The following DST variants were observed in gnomAD, a reference collection of about 807,000 sequenced individuals.
DST encodes the protein bullous pemphigoid antigen.
DST carries 253 observed loss-of-function variants against 875.2 expected under a neutral mutation model. That is an observed-to-expected ratio of 0.29 (90% CI 0.26 to 0.32). The LOEUF (loss-of-function observed/expected upper bound fraction) is 0.32, where lower values mean the gene tolerates loss of function less well. DST is among the 10% of genes least tolerant of loss of function. The pLI is 1.00. For synonymous variants in DST, 3,124 were observed against 3,197.1 expected, an observed-to-expected ratio of 0.98 and a Z score of 0.77; for missense variants, 8,287 against 9,111.6, an observed-to-expected ratio of 0.91 and a Z score of 3.68.
chr6:56,601,385 C>T (rs1270644730), intron 44 of DST, 58 bp downstream of exon 44: 1 of 1,164,370 alleles, frequency 8.6e-7, no homozygotes, highest in Non-Finnish European at 1.2e-6. Flanking sequence ...CCTTGGGTAT[C>T]TACATTATGG....
chr6:56,640,275 T>C lies in DST; in HGVS notation c.2358A>G (p.Ser786=), dbSNP rs780496854. ...TCTGCATCAACTTCAAAGTTTGCAA[T>C]GAATTTGGCTCTACTCCTGAACTGA... ...PNFSSGVEPN[S]LQTLKLMQIR... is the part of the protein sequence containing the mutation. The change falls in exon 18 of 104, where the codon TCA becomes TCG. Residue 786 remains serine, a synonymous_variant. Coordinates refer to ENST00000680361, the MANE Select transcript of DST (RefSeq NM_001374736.1). 18 of 1,614,070 alleles carry C rather than the reference T, an allele frequency of 1.1e-5. No individual in the cohort carries two copies. Among genetic ancestry groups the C allele is most frequent in the African/African-American group, 1.3e-5 (1 of 74,936 alleles).
chr6:56,921,716 T>C (rs1392066110), intron 2 of DST, among the ~76,000 whole-genome samples: 2 of 152,216 alleles, frequency 1.3e-5, no homozygotes, highest in African/African-American at 4.8e-5. Context: ...TAAATACATA[T>C]ACATATTGAG....
At position 56,609,327 on chromosome 6, in the gene DST, T is replaced by C; in HGVS notation, c.5301A>G (p.Ala1767=). The change falls in exon 40 of 104, where the codon GCA becomes GCG. Residue 1767 remains alanine (A), a synonymous_variant. Transcript: ENST00000680361. ...KVEEKLDKVI[A]GTIDQTTGEV... ...CTCCAGTTGTCTGATCAATGGTGCCTGCAATCACTTTATCCAGCTGAAAGG... is the reference window on the plus strand; with the variant it reads ...CTCCAGTTGTCTGATCAATGGTGCCCGCAATCACTTTATCCAGCTGAAAGG... 6.2e-7 allele frequency: 1 copy of C among 1,606,458 alleles called. No individual in the cohort carries two copies. The highest frequency in any genetic ancestry group is 8.5e-7 in the Non-Finnish European group (1 of 1,175,952).
At chr6:56,628,744 G>A (rs566183824) in intron 32 of DST, among the ~76,000 whole-genome samples, 4 of 152,168 alleles carry the variant, frequency 2.6e-5, no homozygotes, top group Non-Finnish European at 5.9e-5. Context: ...GAAAGTGAAT[G>A]AGAAAGGACA....
chr6:56,871,533 G>T, intron 3 of DST: 1 of 1,292,296 alleles, frequency 7.7e-7, no homozygotes. Context: ...TCTGGTCATT[G>T]AGCATATCCA....
Position 56,552,323 on chromosome 6 carries a change from G to T in DST, c.16469C>A (p.Thr5490Lys), listed in dbSNP as rs1227432813. Residue 5490 changes from threonine to lysine, a missense_variant, in exon 61 of 104, where the codon ACA (threonine) becomes AAA (lysine). Thr to Lys is a moderately conservative substitution (Grantham distance 78). This residue lies in a region of DST where 777 missense variants were observed against 764.8 expected (regional missense o/e 1.02). Transcript: ENST00000680361. ...AQAREEQVEG[T>K]IKRLEEFYSK... is the part of the protein sequence containing the mutation. ...GTAAAATTCTTCAAGGCGCTTAATT[G>T]TCCCTTCAACCTGCTCTTCTCTGGC... is the stretch of plus-strand genomic sequence containing the variant. 6.2e-7 allele frequency: 1 copy of T among 1,613,928 alleles called. No individual in the cohort carries two copies. The highest frequency in any genetic ancestry group is 1.7e-5 in the Admixed American group (1 of 60,008).
intron 5 of DST, among the ~76,000 whole-genome samples, chr6:56,729,532 G>A (rs1361535077): frequency 1.3e-5 from 2 of 151,910 alleles, no homozygotes; most frequent in East Asian, 3.9e-4. Flanking sequence ...GGAGATTGCG[G>A]GGAGGCAGAG....
intron 2 of DST, among the ~76,000 whole-genome samples, chr6:56,939,867 C>T (rs1017455286): frequency 6.6e-6 from 1 of 151,400 alleles, no homozygotes; most frequent in Non-Finnish European, 1.5e-5. Flanking sequence ...TCTACTAAAA[C>T]TACAAAAAAT....
chr6:56,765,269 C>T (rs1364174632), intron 4 of DST, among the ~76,000 whole-genome samples: 2 of 152,186 alleles, frequency 1.3e-5, no homozygotes, highest in Admixed American at 1.3e-4. Context: ...AAAGCAAAGC[C>T]TTGACCTTCT....
intron 82 of DST, among the ~76,000 whole-genome samples, chr6:56,495,465 G>C (rs1247265512): frequency 6.6e-6 from 1 of 151,834 alleles, no homozygotes; most frequent in Non-Finnish European, 1.5e-5. Context: ...TTGCTTTCAA[G>C]TTCTTATATT....
At chr6:56,657,396 G>A (rs1214520414) in intron 10 of DST, among the ~76,000 whole-genome samples, 2 of 152,088 alleles carry the variant, frequency 1.3e-5, no homozygotes, top group East Asian at 1.9e-4. Flanking sequence ...GTAAAATAAT[G>A]AAGCCTGGAA....
At chr6:56,587,994 C>G (rs2098194990) in intron 49 of DST, among the ~76,000 whole-genome samples, 6 of 152,036 alleles carry the variant, frequency 3.9e-5, no homozygotes, top group Admixed American at 3.9e-4. Flanking sequence ...TAGGAAGCAA[C>G]TGCATCAACT....
intron 3 of DST, among the ~76,000 whole-genome samples, chr6:56,884,897 T>A (rs1270843580): frequency 1.3e-5 from 2 of 152,034 alleles, no homozygotes; most frequent in African/African-American, 4.8e-5. Flanking sequence ...CCAGGCTAAT[T>A]TTTTTTGTAT....
chr6:56,944,683 T>G (rs1818525243), intron 2 of DST, among the ~76,000 whole-genome samples: 1 of 152,196 alleles, frequency 6.6e-6, no homozygotes, highest in Non-Finnish European at 1.5e-5. Context: ...AAGAATGAAC[T>G]TTATGATCTT....
rs771129327 is a variant in DST, at chr6:56,561,384, T to C, written c.14234A>G (p.Lys4745Arg). Residue 4745 changes from lysine to arginine, a missense_variant, in exon 57 of 104, where the codon AAA (lysine) becomes AGA (arginine). Lys to Arg is a conservative substitution (Grantham distance 26). Coordinates refer to ENST00000680361, the MANE Select transcript of DST (RefSeq NM_001374736.1). ...AMMQWLQKMN[K>R]TATKWQQTPA... Reference sequence around the variant, plus strand: ...TGTCTGCTGCCATTTTGTTGCAGTTTTGTTCATTTTCTGTAACCACTGCAT... The same window carrying C: ...TGTCTGCTGCCATTTTGTTGCAGTTCTGTTCATTTTCTGTAACCACTGCAT... 2.9e-5 allele frequency: 47 copies of C among 1,613,738 alleles called. No individual in the cohort carries two copies. The South Asian group carries it at 5.1e-4, about 17-fold the overall frequency.
At chr6:56,721,099 C>T (rs528935855) in intron 5 of DST, among the ~76,000 whole-genome samples, 12 of 150,900 alleles carry the variant, frequency 8.0e-5, no homozygotes, top group South Asian at 4.2e-4. Context: ...GGCTGCCGGG[C>T]GGGGGCGCCC....
At chr6:56,790,330 G>T (rs1052950422) in intron 4 of DST, among the ~76,000 whole-genome samples, 1 of 152,064 alleles carries the variant, frequency 6.6e-6, no homozygotes, top group Non-Finnish European at 1.5e-5. Context: ...TTGGTAATTT[G>T]CCCAGTGTCA....
intron 4 of DST, among the ~76,000 whole-genome samples, chr6:56,788,909 T>C (rs1000051795): frequency 1.3e-5 from 2 of 152,240 alleles, no homozygotes; most frequent in African/African-American, 4.8e-5. Flanking sequence ...TTATAATTCC[T>C]GAAAGTGGAA....
At chr6:56,640,690 G>T in intron 17 of DST, 85 bp from the exon 18 acceptor site, 1 of 1,082,842 alleles carries the variant, frequency 9.2e-7, no homozygotes, top group Non-Finnish European at 1.4e-6. Flanking sequence ...ATAGGTTTTA[G>T]TTAATAATGA....
Sources: allele counts gnomAD v4.1 joint callset (sites outside exome capture counted in the v4.1 genomes callset), GRCh38; gene constraint gnomAD v4.1.1; regional missense constraint gnomAD v4.1.1; transcripts MANE v1.5; gene names NCBI Gene and HGNC (gene_info 2026-07-23, HGNC 2026-07-21).